The following ATOSA variants were observed in gnomAD, a reference collection of about 807,000 sequenced individuals.
ATOSA encodes the protein atos homolog protein A.
At chr15:52,620,208 C>T in the ATOSA span, among the ~76,000 whole-genome samples, 1 of 152,226 alleles carries the variant, frequency 6.6e-6, no homozygotes, top group African/African-American at 2.4e-5. Context: ...GTAAATTCTT[C>T]ATTGCTAGAG....
chr15:52,620,995 T>C, the ATOSA span, among the ~76,000 whole-genome samples: 2 of 152,314 alleles, frequency 1.3e-5, no homozygotes, highest in South Asian at 4.1e-4. Context: ...CAATCGAGTA[T>C]TGTGAATAAA....
chr15:52,702,313 G>A, the ATOSA span, among the ~76,000 whole-genome samples: 1 of 152,280 alleles, frequency 6.6e-6, no homozygotes, highest in East Asian at 1.9e-4. Flanking sequence ...GCACTCACAT[G>A]TTCATCATGG....
At chr15:52,697,717 A>T in the ATOSA span, among the ~76,000 whole-genome samples, 1 of 152,072 alleles carries the variant, frequency 6.6e-6, no homozygotes, top group Non-Finnish European at 1.5e-5. Context: ...TAAAAAAAAA[A>T]GATTTCTTCA....
the ATOSA span, chr15:52,678,072 T>C: frequency 5.6e-6 from 9 of 1,610,044 alleles, no homozygotes; most frequent in Non-Finnish European, 7.7e-6. Flanking sequence ...CTGTGGGTTC[T>C]TTCAACAGGC....
the ATOSA span, among the ~76,000 whole-genome samples, chr15:52,697,071 G>C: frequency 6.6e-6 from 1 of 152,118 alleles, no homozygotes; most frequent in Non-Finnish European, 1.5e-5. Flanking sequence ...ATGCTGACAA[G>C]GTTCTCCCAT....
At chr15:52,643,486 ACTAT>A in the ATOSA span, among the ~76,000 whole-genome samples, 4 of 35,838 alleles carry the variant, frequency 1.1e-4, no homozygotes, top group Non-Finnish European at 6.0e-4. Context: ...ACAGCATCTC[ACTAT>A]GTTGCCCAGA....
the ATOSA span, among the ~76,000 whole-genome samples, chr15:52,643,250 G>A: frequency 0.012 from 1,835 of 152,162 alleles, 24 homozygotes; most frequent in African/African-American, 0.034. Flanking sequence ...CAGATTTAAC[G>A]GTGGTTCCCA....
At chr15:52,600,807 C>T in the ATOSA span, among the ~76,000 whole-genome samples, 2,914 of 149,106 alleles carry the variant, frequency 0.02, 36 homozygotes, top group East Asian at 0.058. Flanking sequence ...TTTTTTTTTC[C>T]GTCAAAGAGT....
the ATOSA span, among the ~76,000 whole-genome samples, chr15:52,687,170 C>A: frequency 6.6e-6 from 1 of 152,278 alleles, no homozygotes; most frequent in South Asian, 2.1e-4. Context: ...CCTTGGGAGG[C>A]TGAGGTGGGT....
the ATOSA span, among the ~76,000 whole-genome samples, chr15:52,583,692 T>G: frequency 6.6e-6 from 1 of 152,188 alleles, no homozygotes; most frequent in Admixed American, 6.5e-5. Context: ...GGCTATACCA[T>G]GTCTTTTAAA....
At chr15:52,610,237 G>A in the ATOSA span, 48 of 1,613,920 alleles carry the variant, frequency 3.0e-5, no homozygotes, top group African/African-American at 2.5e-4. Context: ...AATACTGCAC[G>A]TCAAAACTGG....
At chr15:52,645,312 G>A in the ATOSA span, among the ~76,000 whole-genome samples, 1 of 152,146 alleles carries the variant, frequency 6.6e-6, no homozygotes, top group Non-Finnish European at 1.5e-5. Context: ...GGAGGCACAT[G>A]CTTGTAATCC....
At chr15:52,675,351 C>T in the ATOSA span, among the ~76,000 whole-genome samples, 2 of 152,260 alleles carry the variant, frequency 1.3e-5, no homozygotes, top group African/African-American at 4.8e-5. Context: ...ATGCTCCCCA[C>T]ACCTTCCATA....
At chr15:52,584,808 C>T in the ATOSA span, 1 of 1,613,604 alleles carries the variant, frequency 6.2e-7, no homozygotes, top group Non-Finnish European at 8.5e-7. Flanking sequence ...TTTATTAACA[C>T]TTCTCTTCAC....
the ATOSA span, among the ~76,000 whole-genome samples, chr15:52,601,529 G>GAAAAAAA: frequency 8.9e-6 from 1 of 112,890 alleles, no homozygotes; most frequent in Non-Finnish European, 2.0e-5. Flanking sequence ...ACTTAAAAAG[G>GAAAAAAA]AAAAAAAAAA....
chr15:52,661,793 A>G, the ATOSA span, among the ~76,000 whole-genome samples: 2 of 152,182 alleles, frequency 1.3e-5, no homozygotes, highest in African/African-American at 2.4e-5. Flanking sequence ...AATCAACACA[A>G]TAATTATTCA....
At chr15:52,614,526 T>A in the ATOSA span, among the ~76,000 whole-genome samples, 2 of 152,170 alleles carry the variant, frequency 1.3e-5, no homozygotes, top group South Asian at 4.1e-4. Flanking sequence ...TTCAGAGATA[T>A]CTATTGTTAA....
chr15:52,669,973 C>G, the ATOSA span, among the ~76,000 whole-genome samples: 1 of 152,290 alleles, frequency 6.6e-6, no homozygotes, highest in East Asian at 1.9e-4. Flanking sequence ...TTCTAGTTCC[C>G]ACCTCTGCCT....
the ATOSA span, chr15:52,651,982 G>T: frequency 1.3e-6 from 2 of 1,530,652 alleles, no homozygotes; most frequent in Non-Finnish European, 1.7e-6. Flanking sequence ...GGATCCAGAT[G>T]TCTGCAGCGG....
Sources: gnomAD v4.1 joint callset for allele counts (sites outside exome capture counted in the v4.1 genomes callset) on GRCh38, gnomAD v4.1.1 for gene constraint, MANE v1.5 for transcripts, NCBI Gene and HGNC (gene_info 2026-07-23, HGNC 2026-07-21) for gene names.